The following MTUS2 variants were observed in gnomAD, a reference collection of about 807,000 sequenced individuals.
MTUS2 encodes microtubule-associated tumor suppressor candidate 2.
MTUS2 carries 40 observed loss-of-function variants against 114.1 expected under a neutral mutation model. That is an observed-to-expected ratio of 0.35 (90% CI 0.27 to 0.46). The LOEUF (loss-of-function observed/expected upper bound fraction) is 0.46. Ranked by LOEUF, MTUS2 falls within the 20% of genes least tolerant of loss-of-function variation. MTUS2 has a pLI of 1.00. For synonymous variants in MTUS2, 688 were observed against 672.0 expected, an observed-to-expected ratio of 1.02 and a Z score of -0.37; for missense variants, 1,679 against 1,705.4, an observed-to-expected ratio of 0.98 and a Z score of 0.27.
chr13:28,987,176 T>C (rs903555914), intron 2 of MTUS2, among the ~76,000 whole-genome samples: 3 of 152,176 alleles, frequency 2.0e-5, no homozygotes, highest in Non-Finnish European at 2.9e-5. Flanking sequence ...TCTGGACTTG[T>C]CAGCCTACAG....
intron 5 of MTUS2, among the ~76,000 whole-genome samples, chr13:29,279,264 C>A (rs1898180032): frequency 6.6e-6 from 1 of 152,126 alleles, no homozygotes; most frequent in Non-Finnish European, 1.5e-5. Context: ...CCATTAACCA[C>A]CTTGCTGATG....
intron 2 of MTUS2, among the ~76,000 whole-genome samples, chr13:28,993,905 A>C (rs1359196507): frequency 6.6e-6 from 1 of 151,170 alleles, no homozygotes; most frequent in East Asian, 1.9e-4. Context: ...TTTTATTTTT[A>C]TTTTTTATTA....
At chr13:29,464,930 G>C (rs1223205848) in intron 9 of MTUS2, among the ~76,000 whole-genome samples, 1 of 152,254 alleles carries the variant, frequency 6.6e-6, no homozygotes, top group Non-Finnish European at 1.5e-5. Flanking sequence ...GCTCGAGTTT[G>C]AGAAGCACTG....
At chr13:28,956,057 C>T (rs140516706) in intron 2 of MTUS2, among the ~76,000 whole-genome samples, 1 of 146,008 alleles carries the variant, frequency 6.8e-6, no homozygotes, top group African/African-American at 2.5e-5. Flanking sequence ...GTCTCTTGCC[C>T]CCCCCCATCC....
At chr13:29,201,655 C>T (rs1894964324) in intron 5 of MTUS2, among the ~76,000 whole-genome samples, 1 of 152,144 alleles carries the variant, frequency 6.6e-6, no homozygotes, top group Non-Finnish European at 1.5e-5. Context: ...TTGTTCCTTT[C>T]CATGTTTAAT....
At chr13:29,344,661 A>T (rs1593328214) in intron 7 of MTUS2, among the ~76,000 whole-genome samples, 1 of 152,174 alleles carries the variant, frequency 6.6e-6, no homozygotes, top group East Asian at 1.9e-4. Flanking sequence ...CAATGTCAAT[A>T]TTGAGGTGTG....
In MTUS2 at chr13:29,257,874, A is replaced by T. The variant is rs371503653; in HGVS notation, c.2645-23830A>T. 1.6e-4 allele frequency among the ~76,000 whole-genome samples: 25 copies of T among 152,302 alleles called. No individual in the cohort carries two copies. In the East Asian group the frequency reaches 2.7e-3, roughly 16 times the overall value. ...GATCCATGTGCTTTCCACTAGGCAG[A>T]TGGCTCCAGGGGGCCAGGGTGGCCT... On this transcript the variant is annotated intron_variant, in intron 5 of 15. Transcript: ENST00000612955.
At position 29,026,961 on chromosome 13, in the gene MTUS2, T is replaced by C. The variant is rs1886589509; in HGVS notation, c.2205+58T>C. 3 of 1,454,306 alleles carry C rather than the reference T, an allele frequency of 2.1e-6. No individual in the cohort carries two copies. In the South Asian group the frequency reaches 4.1e-5, roughly 20 times the overall value. 90.1% of individuals were successfully genotyped at this position (1,454,306 alleles called of 1,614,324 possible). A position where few individuals can be genotyped will look rare whatever the true frequency, so the allele number is the denominator to read the frequency against. On this transcript the variant is annotated intron_variant, in intron 3 of 15. Coordinates refer to ENST00000612955, the MANE Select transcript of MTUS2 (RefSeq NM_001033602.4). Reference sequence around the variant, plus strand: ...GTTGACTGTCCCAATATCTGTGACATATTTTCAATGAGTTATGAAAGTAAA... The same window carrying C: ...GTTGACTGTCCCAATATCTGTGACACATTTTCAATGAGTTATGAAAGTAAA...
intron 2 of MTUS2, among the ~76,000 whole-genome samples, chr13:28,899,771 A>G (rs1367279914): frequency 6.6e-6 from 1 of 152,080 alleles, no homozygotes; most frequent in Non-Finnish European, 1.5e-5. Flanking sequence ...TTTTCTGTCC[A>G]TAAATCGTCT....
chr13:29,391,676 A>G (rs117635967), intron 8 of MTUS2, among the ~76,000 whole-genome samples: 5,573 of 151,360 alleles, frequency 0.037, 133 homozygotes, highest in Non-Finnish European at 0.058. Context: ...GTGGCAAAAT[A>G]TAAATATAGT....
chr13:28,861,916 C>G (rs1344998995), intron 2 of MTUS2, among the ~76,000 whole-genome samples: 1 of 152,100 alleles, frequency 6.6e-6, no homozygotes, highest in Non-Finnish European at 1.5e-5. Context: ...TACGCTCCTT[C>G]CCTTCAATTT....
chr13:28,921,075 A>G (rs1364557634), intron 2 of MTUS2, among the ~76,000 whole-genome samples: 1 of 152,250 alleles, frequency 6.6e-6, no homozygotes, highest in Non-Finnish European at 1.5e-5. Flanking sequence ...CTGAGGTACA[A>G]GACAGAGTCC....
chr13:29,357,881 C>G lies in MTUS2; in HGVS notation c.2906-1381C>G, dbSNP rs1052347625. Among the ~76,000 whole-genome samples, 5 of 152,196 alleles carry G rather than the reference C, an allele frequency of 3.3e-5. No homozygotes were observed. The South Asian group carries it at 1.0e-3, about 32-fold the overall frequency. ...AAATTAGCATGGTTACCCTTAACCA[C>G]TAGAAGCATTTAGGTCAATTAACCA... On this transcript the variant is annotated intron_variant, in intron 7 of 15. Transcript: ENST00000612955.
chr13:29,240,975 T>C (rs112789043), intron 5 of MTUS2, among the ~76,000 whole-genome samples: 61 of 152,328 alleles, frequency 4.0e-4, no homozygotes, highest in African/African-American at 1.3e-3. Flanking sequence ...ATTTCTCCTT[T>C]CTCTGCCCTT....
intron 4 of MTUS2, among the ~76,000 whole-genome samples, chr13:29,046,419 CTTAG>C (rs371211211): frequency 1.4e-4 from 21 of 152,310 alleles, no homozygotes; most frequent in African/African-American, 4.6e-4. Flanking sequence ...TGTGTCTGGC[CTTAG>C]TTAGTCTTAA....
At chr13:29,223,699 CA>C (rs1299983673) in intron 5 of MTUS2, among the ~76,000 whole-genome samples, 1 of 152,202 alleles carries the variant, frequency 6.6e-6, no homozygotes, top group Non-Finnish European at 1.5e-5. Flanking sequence ...GTAACACAAA[CA>C]GGCTGAAACA....
chr13:28,828,966 ATATAT>A (rs961372860), intron 1 of MTUS2, among the ~76,000 whole-genome samples: 6 of 152,234 alleles, frequency 3.9e-5, no homozygotes, highest in Non-Finnish European at 8.8e-5. Flanking sequence ...TATTGCATTA[ATATAT>A]TATTTATCTT....
chr13:28,968,889 A>T (rs1835499895), intron 2 of MTUS2, among the ~76,000 whole-genome samples: 2 of 152,350 alleles, frequency 1.3e-5, no homozygotes, highest in South Asian at 4.1e-4. Context: ...TGTAAATAAA[A>T]GTAAATGTGA....
At chr13:29,170,986 CT>C (rs1893532387) in intron 5 of MTUS2, among the ~76,000 whole-genome samples, 1 of 152,180 alleles carries the variant, frequency 6.6e-6, no homozygotes, top group Admixed American at 6.5e-5. Flanking sequence ...AAGGTGCTCA[CT>C]GACTGGTAGC....
Sources: gnomAD v4.1 joint callset for allele counts (sites outside exome capture counted in the v4.1 genomes callset) on GRCh38, gnomAD v4.1.1 for gene constraint, MANE v1.5 for transcripts, NCBI Gene and HGNC (gene_info 2026-07-23, HGNC 2026-07-21) for gene names.